The following CDH13 variants were observed in gnomAD, a reference collection of about 807,000 sequenced individuals.
The protein encoded by CDH13 is cadherin-13.
In CDH13, 24 loss-of-function variants were observed where a neutral mutation model predicts 63.8. The observed-to-expected ratio is 0.38, with a 90% CI of 0.27 to 0.53. CDH13 has a LOEUF of 0.53. Ranked by LOEUF, CDH13 falls within the 20% of genes least tolerant of loss-of-function variation. The probability of loss-of-function intolerance (pLI) is 0.85; values close to 1 mark genes in which losing one functional copy is unlikely to be tolerated. For synonymous variants in CDH13, 503 were observed against 355.3 expected (o/e 1.42, Z -4.67); for missense variants, 1,049 against 903.1 (o/e 1.16, Z -2.07).
At chr16:83,676,389 C>G (rs780898309) in intron 9 of CDH13, among the ~76,000 whole-genome samples, 1 of 152,160 alleles carries the variant, frequency 6.6e-6, no homozygotes, top group Non-Finnish European at 1.5e-5. Context: ...CCACCCTCAG[C>G]GTCGTCATGG....
At chr16:83,332,132 T>C (rs1293694601) in intron 5 of CDH13, among the ~76,000 whole-genome samples, 2 of 152,138 alleles carry the variant, frequency 1.3e-5, no homozygotes, top group African/African-American at 4.8e-5. Context: ...TGTTACAATA[T>C]ATAACATGCT....
At chr16:82,722,673 C>G (rs2032852039) in intron 1 of CDH13, among the ~76,000 whole-genome samples, 1 of 152,142 alleles carries the variant, frequency 6.6e-6, no homozygotes, top group African/African-American at 2.4e-5. Flanking sequence ...GGCAGGTAGA[C>G]AGAAGGACAG....
intron 2 of CDH13, among the ~76,000 whole-genome samples, chr16:82,995,324 A>G (rs1912083052): frequency 6.6e-6 from 1 of 152,204 alleles, no homozygotes; most frequent in Non-Finnish European, 1.5e-5. Flanking sequence ...CCTTGCATCT[A>G]GGTATGACCA....
chr16:83,255,495 C>A (rs1440883937), intron 5 of CDH13, among the ~76,000 whole-genome samples: 1 of 152,146 alleles, frequency 6.6e-6, no homozygotes, highest in Non-Finnish European at 1.5e-5. Flanking sequence ...TGAGAACGTC[C>A]CTACCATGAT....
At chr16:83,428,220 T>G (rs1313134916) in intron 6 of CDH13, among the ~76,000 whole-genome samples, 2 of 152,174 alleles carry the variant, frequency 1.3e-5, no homozygotes, top group Non-Finnish European at 2.9e-5. Flanking sequence ...TGACCTTCCA[T>G]GGGATCCAAG....
At chr16:83,419,164 A>G (rs138819349) in intron 6 of CDH13, among the ~76,000 whole-genome samples, 213 of 152,238 alleles carry the variant, frequency 1.4e-3, no homozygotes, top group African/African-American at 5.0e-3. Context: ...TTTTCATGAA[A>G]TCTGTGACCA....
At chr16:83,150,989 A>G (rs1418500271) in intron 4 of CDH13, among the ~76,000 whole-genome samples, 1 of 152,152 alleles carries the variant, frequency 6.6e-6, no homozygotes, top group Non-Finnish European at 1.5e-5. Flanking sequence ...CATTGTGATC[A>G]TATATTATTC....
chr16:83,267,455 T>C (rs1479346640), intron 5 of CDH13, among the ~76,000 whole-genome samples: 3 of 152,172 alleles, frequency 2.0e-5, no homozygotes, highest in Non-Finnish European at 4.4e-5. Flanking sequence ...GTGTGTGCGA[T>C]GATTTAAATG....
chr16:83,612,634 T>A (rs1290166600), intron 8 of CDH13, among the ~76,000 whole-genome samples: 1 of 152,086 alleles, frequency 6.6e-6, no homozygotes, highest in Non-Finnish European at 1.5e-5. Context: ...TTGGGTTTTT[T>A]TATAATTTCA....
intron 2 of CDH13, among the ~76,000 whole-genome samples, chr16:82,987,656 C>T (rs1038436442): frequency 6.6e-6 from 1 of 152,166 alleles, no homozygotes; most frequent in African/African-American, 2.4e-5. Context: ...GGATTACAGG[C>T]ATGAGCCACT....
intron 13 of CDH13, among the ~76,000 whole-genome samples, chr16:83,792,524 C>A (rs1916341631): frequency 6.6e-6 from 1 of 152,168 alleles, no homozygotes; most frequent in Non-Finnish European, 1.5e-5. Flanking sequence ...GTTGAAATGT[C>A]TAGAGACATT....
intron 5 of CDH13, among the ~76,000 whole-genome samples, chr16:83,293,883 A>T (rs2089522959): frequency 6.6e-6 from 1 of 152,212 alleles, no homozygotes; most frequent in Non-Finnish European, 1.5e-5. Flanking sequence ...TTCACTGTTT[A>T]CCAGGAATTA....
chr16:83,747,932 C>T (rs1198073923), intron 10 of CDH13, among the ~76,000 whole-genome samples, 176 bp from the exon 11 acceptor site: 1 of 151,950 alleles, frequency 6.6e-6, no homozygotes, highest in East Asian at 1.9e-4. Flanking sequence ...ACAAAGCAGA[C>T]CCAGAGTCAG....
chr16:82,777,031 G>A lies in CDH13; in HGVS notation c.46-81331G>A, dbSNP rs573237393. On this transcript the variant is annotated intron_variant, in intron 1 of 13. Transcript: ENST00000567109. ...TGCAATCATAGTTTCCTGCAGCCTT[G>A]AACTTCTGAGTTCAAATGATCCTTC... is the stretch of plus-strand genomic sequence containing the variant. 2.6e-5 allele frequency among the ~76,000 whole-genome samples: 4 copies of A among 152,302 alleles called. No individual in the cohort carries two copies. The South Asian group carries it at 8.3e-4, about 32-fold the overall frequency.
intron 1 of CDH13, among the ~76,000 whole-genome samples, chr16:82,747,137 A>G (rs1479202646): frequency 6.6e-6 from 1 of 152,182 alleles, no homozygotes; most frequent in Non-Finnish European, 1.5e-5. Flanking sequence ...TCAGAATGAA[A>G]TGTTGTTGTA....
intron 3 of CDH13, among the ~76,000 whole-genome samples, chr16:83,038,417 G>T (rs1021858606): frequency 1.3e-5 from 2 of 152,214 alleles, no homozygotes; most frequent in African/African-American, 2.4e-5. Context: ...TTAGATCTGA[G>T]TAGGCAGAAG....
chr16:83,773,103 C>T (rs918525084), intron 11 of CDH13, among the ~76,000 whole-genome samples: 1 of 152,124 alleles, frequency 6.6e-6, no homozygotes, highest in African/African-American at 2.4e-5. Flanking sequence ...TCCACAGAGA[C>T]TGAGAGACAG....
chr16:83,209,641 A>G (rs1344922958), intron 4 of CDH13, among the ~76,000 whole-genome samples: 1 of 152,176 alleles, frequency 6.6e-6, no homozygotes, highest in Non-Finnish European at 1.5e-5. Context: ...CAGAGTGTTA[A>G]TCAAGTGTCT....
At chr16:83,444,256 G>A (rs1259321137) in intron 6 of CDH13, among the ~76,000 whole-genome samples, 1 of 152,088 alleles carries the variant, frequency 6.6e-6, no homozygotes, top group Non-Finnish European at 1.5e-5. Context: ...GATGGTAGAG[G>A]CTTACATTGA....
Sources: allele counts gnomAD v4.1 joint callset (sites outside exome capture counted in the v4.1 genomes callset), GRCh38; gene constraint gnomAD v4.1.1; transcripts MANE v1.5; gene names NCBI Gene and HGNC (gene_info 2026-07-23, HGNC 2026-07-21).